Variants in STAC observed in about 807,000 individuals in gnomAD.
The protein encoded by STAC is SH3 and cysteine-rich domain-containing protein.
STAC carries 43 observed loss-of-function variants against 48.8 expected under a neutral mutation model. The observed-to-expected ratio is 0.88, with a 90% CI of 0.69 to 1.14. The LOEUF (loss-of-function observed/expected upper bound fraction) is 1.14, where lower values mean the gene tolerates loss of function less well. Among genes scored for constraint, STAC ranks in the 50% most tolerant of loss-of-function variants. The pLI is 0.00. For synonymous variants in STAC, 193 were observed against 179.5 expected, an observed-to-expected ratio of 1.07 and a Z score of -0.60; for missense variants, 497 against 504.0, an observed-to-expected ratio of 0.99 and a Z score of 0.13.
At chr3:36,401,273 A>G (rs1699994490) in intron 1 of STAC, among the ~76,000 whole-genome samples, 1 of 152,198 alleles carries the variant, frequency 6.6e-6, no homozygotes, top group Non-Finnish European at 1.5e-5. Flanking sequence ...GGGATTTCAC[A>G]TTGAAGGACA....
chr3:36,455,263 C>T (rs1696820919), intron 2 of STAC, among the ~76,000 whole-genome samples: 2 of 152,122 alleles, frequency 1.3e-5, no homozygotes, highest in South Asian at 2.1e-4. Flanking sequence ...AGAAATATTG[C>T]CCAGGTCAGA....
At chr3:36,532,284 T>C (rs1699090905) in intron 10 of STAC, among the ~76,000 whole-genome samples, 1 of 152,234 alleles carries the variant, frequency 6.6e-6, no homozygotes, top group East Asian at 1.9e-4. Context: ...ACCCTGGTTT[T>C]ACAGTTTTAC....
chr3:36,430,729 C>T (rs750203555), intron 1 of STAC, among the ~76,000 whole-genome samples: 1 of 152,160 alleles, frequency 6.6e-6, no homozygotes, highest in South Asian at 2.1e-4. Context: ...GCTCTAGAGG[C>T]TAGAAGTCCA....
intron 6 of STAC, among the ~76,000 whole-genome samples, chr3:36,500,847 T>C (rs1455695023): frequency 6.6e-6 from 1 of 152,160 alleles, no homozygotes; most frequent in Non-Finnish European, 1.5e-5. Context: ...TCCCAGCACT[T>C]TGGGAGGCCA....
chr3:36,385,636 C>T (rs1476938025), intron 1 of STAC, among the ~76,000 whole-genome samples: 2 of 152,040 alleles, frequency 1.3e-5, no homozygotes, highest in Non-Finnish European at 1.5e-5. Flanking sequence ...ATTACTGACA[C>T]CCCAGAATCT....
intron 1 of STAC, among the ~76,000 whole-genome samples, chr3:36,442,137 A>G (rs1696367656): frequency 6.6e-6 from 1 of 152,206 alleles, no homozygotes; most frequent in African/African-American, 2.4e-5. Context: ...TGATCATAAG[A>G]GAGACTGGTC....
intron 10 of STAC, among the ~76,000 whole-genome samples, chr3:36,538,250 A>G (rs561179515): frequency 2.7e-4 from 41 of 152,294 alleles, no homozygotes; most frequent in African/African-American, 9.9e-4. Flanking sequence ...ATTCATATAT[A>G]TATGGTCTGC....
At chr3:36,404,517 T>C (rs1700054538) in intron 1 of STAC, among the ~76,000 whole-genome samples, 1 of 152,208 alleles carries the variant, frequency 6.6e-6, no homozygotes, top group South Asian at 2.1e-4. Context: ...TGTATATAAA[T>C]ACTCATATGT....
chr3:36,424,621 T>C (rs931030521), intron 1 of STAC, among the ~76,000 whole-genome samples: 5 of 151,802 alleles, frequency 3.3e-5, no homozygotes, highest in Admixed American at 1.3e-4. Context: ...CTTGAAGAAA[T>C]AGATGGTTGC....
At chr3:36,510,350 T>C (rs543778627) in intron 8 of STAC, among the ~76,000 whole-genome samples, 7 of 152,174 alleles carry the variant, frequency 4.6e-5, no homozygotes, top group Non-Finnish European at 8.8e-5. Flanking sequence ...TTTTACACTG[T>C]TTATGGGGCT....
At chr3:36,392,619 C>T (rs1246717437) in intron 1 of STAC, among the ~76,000 whole-genome samples, 1 of 152,182 alleles carries the variant, frequency 6.6e-6, no homozygotes. Context: ...TCTCTCACCT[C>T]AGCTTCCCAA....
rs370735447 is a variant in STAC at position 36,546,332 on chromosome 3, G to T, written c.*43G>T. On this transcript the variant is annotated 3_prime_UTR_variant, in exon 11 of 11. Transcript: ENST00000273183. ...GTTTGCAGTAGGCAAGCTCTGCTGC[G>T]ATGCCTCTGCCTCATCTCACACTGC... is the stretch of plus-strand genomic sequence containing the variant. 3.7e-5 allele frequency: 57 copies of T among 1,524,406 alleles called. 1 individual carries two copies. The highest frequency in any genetic ancestry group is 4.9e-5 in the Non-Finnish European group (54 of 1,098,292). The allele number at this position is 1,524,406 out of a possible 1,614,324, so 94.4% of individuals were successfully genotyped here.
At chr3:36,420,996 A>C (rs1332676462) in intron 1 of STAC, among the ~76,000 whole-genome samples, 1 of 152,238 alleles carries the variant, frequency 6.6e-6, no homozygotes, top group East Asian at 1.9e-4. Context: ...AAAAATATGT[A>C]GGTTATAACT....
intron 2 of STAC, among the ~76,000 whole-genome samples, chr3:36,463,769 G>GT (rs577352540): frequency 2.3e-3 from 344 of 149,280 alleles, no homozygotes; most frequent in African/African-American, 8.0e-3. Flanking sequence ...GCGGTGTTTG[G>GT]TTTTTTGTCC....
intron 1 of STAC, among the ~76,000 whole-genome samples, chr3:36,442,887 T>C (rs1162341200): frequency 2.0e-5 from 3 of 152,070 alleles, no homozygotes; most frequent in African/African-American, 7.2e-5. Context: ...CGAGATGGAT[T>C]TTGAGCCAGA....
At position 36,431,881 on chromosome 3, in the gene STAC, C is replaced by G. The variant is rs1461333324; in HGVS notation, c.112-11483C>G. ...TCAGATCTTACATCTGCAAACTTCA[C>G]TTCCTCTCAGTATTCAGTAGAAAAA... On this transcript the variant is annotated intron_variant, in intron 1 of 10. Transcript: ENST00000273183. 3.9e-5 allele frequency among the ~76,000 whole-genome samples: 6 copies of G among 152,274 alleles called. 1 individual carries two copies. The South Asian group carries it at 1.0e-3, about 26-fold the overall frequency.
intron 2 of STAC, among the ~76,000 whole-genome samples, chr3:36,467,390 C>T (rs1351987579): frequency 1.3e-5 from 2 of 151,886 alleles, no homozygotes; most frequent in African/African-American, 4.8e-5. Context: ...ACTGTTTCTC[C>T]GTCTTTTGGA....
chr3:36,546,487 C>G lies in STAC; in HGVS notation c.*198C>G, dbSNP rs886426471. 5.2e-6 allele frequency: 3 copies of G among 579,440 alleles called. No homozygotes were observed. The highest frequency in any genetic ancestry group is 1.9e-5 in the African/African-American group (1 of 53,586). The allele number at this position is 579,440 out of a possible 1,614,324, so 35.9% of individuals were successfully genotyped here. On this transcript the variant is annotated 3_prime_UTR_variant, in exon 11 of 11. Transcript: ENST00000273183. ...ACTGCACAGCATATCCAGGCTGCCACAGGTGGGGACGAGGCTGAGAGAGTC... is the reference window on the plus strand; with the variant it reads ...ACTGCACAGCATATCCAGGCTGCCAGAGGTGGGGACGAGGCTGAGAGAGTC...
At chr3:36,422,224 G>A (rs1440610847) in intron 1 of STAC, among the ~76,000 whole-genome samples, 2 of 152,070 alleles carry the variant, frequency 1.3e-5, no homozygotes, top group Non-Finnish European at 2.9e-5. Flanking sequence ...GATGTTTTAA[G>A]AGTCATGTTA....
Sources: gnomAD v4.1 joint callset for allele counts (sites outside exome capture counted in the v4.1 genomes callset) on GRCh38, gnomAD v4.1.1 for gene constraint, MANE v1.5 for transcripts, NCBI Gene and HGNC (gene_info 2026-07-23, HGNC 2026-07-21) for gene names.